Variants in ATP8A2 observed in about 807,000 individuals in gnomAD.
ATP8A2 encodes phospholipid-transporting ATPase IB.
In ATP8A2, 100 loss-of-function variants were observed where a neutral mutation model predicts 165.6. The observed-to-expected ratio is 0.60, with a 90% confidence interval of 0.51 to 0.71. The LOEUF is 0.71. Among genes scored for constraint, ATP8A2 ranks in the 30% least tolerant of loss-of-function variants. The pLI is 0.00. For synonymous variants in ATP8A2, 543 were observed against 548.8 expected (o/e 0.99, Z 0.15); for missense variants, 1,227 against 1,479.5 (o/e 0.83, Z 2.80).
At chr13:25,795,964 T>A (rs796119781) in intron 27 of ATP8A2, among the ~76,000 whole-genome samples, 61 of 152,200 alleles carry the variant, frequency 4.0e-4, no homozygotes, top group South Asian at 3.3e-3. Flanking sequence ...TTTTTTTTTT[T>A]TAAAAGACAG....
At chr13:25,541,769 TTGAGGGGCTGACAG>T in intron 8 of ATP8A2, 136 bp from the exon 9 acceptor site, 1 of 764,466 alleles carries the variant, frequency 1.3e-6, no homozygotes, top group East Asian at 2.6e-5. Context: ...AAAGTCTGCC[TTGAGGGGCTGACAG>T]TTTGACTTGT....
At chr13:25,562,517 T>TTA (rs1338932254) in intron 15 of ATP8A2, among the ~76,000 whole-genome samples, 1 of 152,184 alleles carries the variant, frequency 6.6e-6, no homozygotes, top group Non-Finnish European at 1.5e-5. Flanking sequence ...CACTATTGTA[T>TTA]TAAGGGATCC....
At chr13:25,984,597 CA>C (rs11314872) in intron 35 of ATP8A2, among the ~76,000 whole-genome samples, 125,526 of 136,150 alleles carry the variant, frequency 0.92, 57,709 homozygotes, top group East Asian at 0.99. Flanking sequence ...GACTTTGTCT[CA>C]AAAAAAAAAA....
intron 4 of ATP8A2, 43 bp from the exon 5 acceptor site, chr13:25,532,229 G>A: frequency 1.3e-6 from 2 of 1,492,878 alleles, no homozygotes; most frequent in African/African-American, 1.4e-5. Flanking sequence ...TTATTCATGT[G>A]GAACTTTTGA....
Position 25,372,325 on chromosome 13 carries a change from C to A in ATP8A2, c.76+37C>A. The A allele has an allele frequency of 2.2e-6, 1 of 445,584 alleles. No homozygotes were observed. Among genetic ancestry groups the A allele is most frequent in the Non-Finnish European group, 4.1e-6 (1 of 246,166 alleles). The allele number at this position is 445,584 out of a possible 1,614,324, so 27.6% of individuals were successfully genotyped here. On this transcript the variant is annotated intron_variant, in intron 1 of 36. Coordinates refer to ENST00000381655, the MANE Select transcript of ATP8A2 (RefSeq NM_016529.6). The surrounding 1 kb of genome is among the most constrained non-coding windows in gnomAD (Gnocchi z 4.8). The stretch of plus-strand genomic sequence containing the variant: ...GGGGCGCGGCGAGGGAGGGTGGGCC[C>A]GGGGCGGGGGCGGCGCGGGGCGCGC...
At chr13:25,585,629 A>C (rs776637367) in intron 23 of ATP8A2, among the ~76,000 whole-genome samples, 6 of 152,226 alleles carry the variant, frequency 3.9e-5, no homozygotes, top group Non-Finnish European at 8.8e-5. Context: ...TAAGGTAAAC[A>C]ATATGATGTT....
At chr13:25,960,482 G>A (rs2139181827) in intron 33 of ATP8A2, among the ~76,000 whole-genome samples, 1 of 152,078 alleles carries the variant, frequency 6.6e-6, no homozygotes, top group Admixed American at 6.5e-5. Context: ...GAGCTCTAGC[G>A]AAACTTCTAT....
intron 25 of ATP8A2, among the ~76,000 whole-genome samples, chr13:25,702,214 AAAT>A (rs2042966305): frequency 1.3e-5 from 2 of 152,178 alleles, no homozygotes; most frequent in Admixed American, 1.3e-4. Flanking sequence ...TTTTTTCAGA[AAAT>A]AACTGGTCTA....
chr13:25,787,073 G>A (rs1398784104), intron 27 of ATP8A2, among the ~76,000 whole-genome samples: 5 of 152,104 alleles, frequency 3.3e-5, no homozygotes, highest in Non-Finnish European at 5.9e-5. Flanking sequence ...ATGAGCCACC[G>A]TCCCCAGCCA....
intron 23 of ATP8A2, among the ~76,000 whole-genome samples, chr13:25,586,053 GC>G: frequency 6.6e-6 from 1 of 152,244 alleles, no homozygotes; most frequent in South Asian, 2.1e-4. Context: ...GCCCGATACT[GC>G]ACTAAGTCCT....
In ATP8A2 at chr13:25,578,343, T is replaced by C. The variant is rs149205501; in HGVS notation, c.1783-472T>C. Among the ~76,000 whole-genome samples the C allele has an allele frequency of 5.2e-3, 796 of 152,346 alleles. 8 individuals are homozygous for C. Among genetic ancestry groups the C allele is most frequent in the African/African-American group, 0.018 (760 of 41,578 alleles). On this transcript the variant is annotated intron_variant, in intron 20 of 36. Transcript: ENST00000381655. The stretch of plus-strand genomic sequence containing the variant: ...TGGAAATAGTCATAGGCAGATGGGC[T>C]GTGCACCTGTGTGTTTCTTGGCAGA...
At chr13:25,450,593 G>GGCA (rs2035191275) in intron 1 of ATP8A2, among the ~76,000 whole-genome samples, 1 of 151,512 alleles carries the variant, frequency 6.6e-6, no homozygotes. Flanking sequence ...GTGCAGTGGT[G>GGCA]TGATCTCGGC....
Position 25,953,922 on chromosome 13 carries a change from A to C in ATP8A2, c.3184-7653A>C, listed in dbSNP as rs1043074889. Among the ~76,000 whole-genome samples, 1 of 151,640 alleles carries C rather than the reference A, an allele frequency of 6.6e-6. No homozygotes were observed. Among genetic ancestry groups the C allele is most frequent in the East Asian group, 1.9e-4 (1 of 5,144 alleles). On this transcript the variant is annotated intron_variant, in intron 33 of 36. Coordinates refer to ENST00000381655, the MANE Select transcript of ATP8A2 (RefSeq NM_016529.6). The surrounding 1 kb of genome is among the most constrained non-coding windows in gnomAD (Gnocchi z 6.7). ...CCCTGGGTTTCAAGCACAAAACTGCATGGCTGTTTCGGCAGACACCGAGCT... is the reference window on the plus strand; with the variant it reads ...CCCTGGGTTTCAAGCACAAAACTGCCTGGCTGTTTCGGCAGACACCGAGCT...
chr13:25,448,366 A>G (rs898051906), intron 1 of ATP8A2, among the ~76,000 whole-genome samples: 2 of 152,332 alleles, frequency 1.3e-5, no homozygotes, highest in African/African-American at 4.8e-5. Flanking sequence ...TTGGAGTAAA[A>G]TTAATTTTGT....
intron 25 of ATP8A2, among the ~76,000 whole-genome samples, chr13:25,737,566 C>A (rs1187742662): frequency 6.6e-6 from 1 of 152,252 alleles, no homozygotes; most frequent in African/African-American, 2.4e-5. Flanking sequence ...GTGGCACGAT[C>A]ATGGCTCACT....
intron 1 of ATP8A2, among the ~76,000 whole-genome samples, chr13:25,426,301 A>G (rs2034447431): frequency 1.3e-5 from 2 of 152,190 alleles, no homozygotes; most frequent in South Asian, 4.1e-4. Flanking sequence ...TCACATGACA[A>G]GAGTAGGAGC....
At position 25,589,624 on chromosome 13, in the gene ATP8A2, C is replaced by T. The variant is rs766706643; in HGVS notation, c.2147-11C>T. On this transcript the variant is annotated splice_polypyrimidine_tract_variant and intron_variant, in intron 23 of 36. Transcript: ENST00000381655. ...AGAGAAATTCACATGTTGTCTCTTC[C>T]TCCACTTCAGGGTATTCCTGCCGAT... The T allele has an allele frequency of 2.1e-5, 34 of 1,603,376 alleles. No individual in the cohort carries two copies. The highest frequency in any genetic ancestry group is 2.8e-5 in the Non-Finnish European group (33 of 1,171,372).
In ATP8A2 at chr13:25,553,930, A is replaced by G. The variant is rs1216684391; in HGVS notation, c.1185+10A>G. On this transcript the variant is annotated intron_variant, in intron 12 of 36. Transcript: ENST00000381655. ...CCTTTTCATAAACTGGGTGAGTATT[A>G]AAGCAGAGTTGAATCACTATTTTCC... 1.2e-6 allele frequency: 2 copies of G among 1,608,202 alleles called. No individual in the cohort carries two copies. Among genetic ancestry groups the G allele is most frequent in the South Asian group, 2.2e-5 (2 of 89,488 alleles).
chr13:25,698,897 A>G (rs2042891399), intron 24 of ATP8A2, among the ~76,000 whole-genome samples: 1 of 152,162 alleles, frequency 6.6e-6, no homozygotes, highest in South Asian at 2.1e-4. Context: ...GGAGTTTTCT[A>G]TTCTAGGGGC....
Sources: allele counts gnomAD v4.1 joint callset (sites outside exome capture counted in the v4.1 genomes callset), GRCh38; gene constraint gnomAD v4.1.1; non-coding constraint Gnocchi (gnomAD v3.1); transcripts MANE v1.5; gene names NCBI Gene and HGNC (gene_info 2026-07-23, HGNC 2026-07-21).